Variants in PTPRD observed in about 807,000 individuals in gnomAD.
PTPRD encodes receptor-type tyrosine-protein phosphatase delta.
Under a neutral mutation model 214.5 loss-of-function variants are expected in PTPRD, and 34 were observed. That is an observed-to-expected ratio of 0.16 (90% CI 0.12 to 0.21). The LOEUF is 0.21. Among genes scored for constraint, PTPRD ranks in the 10% least tolerant of loss-of-function variants. PTPRD has a pLI of 1.00. For missense variants in PTPRD, 2,545 were observed against 2,398.7 expected (o/e 1.06, Z -1.27); for synonymous variants, 1,128 against 845.7 (o/e 1.33, Z -5.79).
At chr9:8,617,277 G>A (rs2095644056) in intron 14 of PTPRD, among the ~76,000 whole-genome samples, 1 of 152,040 alleles carries the variant, frequency 6.6e-6, no homozygotes, top group South Asian at 2.1e-4. Flanking sequence ...GAATGAAGAT[G>A]TCTACTCAGT....
At chr9:10,184,369 G>C (rs1283547685) in intron 3 of PTPRD, among the ~76,000 whole-genome samples, 1 of 152,120 alleles carries the variant, frequency 6.6e-6, no homozygotes. Flanking sequence ...AGGTTGCAAT[G>C]AGCCAAGATG....
chr9:8,683,087 T>C (rs1050949146), intron 12 of PTPRD, among the ~76,000 whole-genome samples: 1 of 152,138 alleles, frequency 6.6e-6, no homozygotes, highest in African/African-American at 2.4e-5. Flanking sequence ...ATCTTAACTT[T>C]TGTAAGAGGA....
At chr9:9,743,778 C>A (rs1024312748) in intron 6 of PTPRD, among the ~76,000 whole-genome samples, 7 of 81,660 alleles carry the variant, frequency 8.6e-5, no homozygotes, top group Non-Finnish European at 1.8e-4. Flanking sequence ...ACAATTTATA[C>A]TGACTGTATA....
rs1008216558 is a variant in PTPRD at position 9,299,133 on chromosome 9, G to A, written c.-203+98316C>T. Among the ~76,000 whole-genome samples, 5 of 151,758 alleles carry A rather than the reference G, an allele frequency of 3.3e-5. No individual in the cohort carries two copies. The South Asian group carries it at 8.3e-4, about 25-fold the overall frequency. ...ATTGTGTCTCCAGCAAATATAGGGAGGTGAACGGTAAATCCAATAGAATAG... is the reference window on the plus strand; with the variant it reads ...ATTGTGTCTCCAGCAAATATAGGGAAGTGAACGGTAAATCCAATAGAATAG... On this transcript the variant is annotated intron_variant, in intron 9 of 45. Coordinates refer to ENST00000381196, the MANE Select transcript of PTPRD (RefSeq NM_002839.4).
intron 10 of PTPRD, among the ~76,000 whole-genome samples, chr9:9,162,030 C>G (rs1569556433): frequency 6.6e-6 from 1 of 151,922 alleles, no homozygotes; most frequent in East Asian, 1.9e-4. Context: ...TCAGCATTTT[C>G]AAAGAAGAAA....
chr9:9,296,289 G>T (rs897931074), intron 9 of PTPRD, among the ~76,000 whole-genome samples: 1 of 151,664 alleles, frequency 6.6e-6, no homozygotes. Context: ...GTTCTCACAT[G>T]ACCTTTAATT....
At chr9:9,742,230 T>C (rs2098411160) in intron 6 of PTPRD, among the ~76,000 whole-genome samples, 1 of 152,134 alleles carries the variant, frequency 6.6e-6, no homozygotes, top group South Asian at 2.1e-4. Context: ...CAAATTAAAT[T>C]AGTAAAATTG....
rs2047054129 is a variant in PTPRD, at chr9:10,509,046, C to T, written c.-600+103352G>A. Among the ~76,000 whole-genome samples, 5 of 151,992 alleles carry T rather than the reference C, an allele frequency of 3.3e-5. 1 individual carries two copies. The South Asian group carries it at 1.0e-3, about 32-fold the overall frequency. On this transcript the variant is annotated intron_variant, in intron 2 of 45. Transcript: ENST00000381196. ...AACCCATGGCTAAAGGAAATACCTG[C>T]TATGATTCTCCACTGTAAATTTATT... is the stretch of plus-strand genomic sequence containing the variant.
At chr9:9,749,687 T>C in intron 6 of PTPRD, among the ~76,000 whole-genome samples, 1 of 152,126 alleles carries the variant, frequency 6.6e-6, no homozygotes, top group East Asian at 1.9e-4. Flanking sequence ...TGTTCCAATA[T>C]TTTCAAGGAA....
intron 3 of PTPRD, among the ~76,000 whole-genome samples, chr9:10,090,795 C>T (rs143616142): frequency 3.4e-5 from 5 of 147,578 alleles, no homozygotes; most frequent in South Asian, 4.4e-4. Context: ...ATATTTTGAT[C>T]GGCAGCATTT....
intron 9 of PTPRD, among the ~76,000 whole-genome samples, chr9:9,199,145 T>TA (rs929171224): frequency 1.3e-5 from 2 of 151,746 alleles, no homozygotes; most frequent in African/African-American, 2.4e-5. Flanking sequence ...ATCCCCTAGG[T>TA]AAAAAAAAGA....
intron 3 of PTPRD, among the ~76,000 whole-genome samples, chr9:10,120,236 A>G (rs2098764075): frequency 6.6e-6 from 1 of 151,778 alleles, no homozygotes; most frequent in South Asian, 2.1e-4. Flanking sequence ...TTTTCCCACT[A>G]GTCATAATAA....
rs939413124 is a variant in PTPRD, at chr9:8,892,496, T to C, written c.-104+126201A>G. Among the ~76,000 whole-genome samples, 4 of 151,516 alleles carry C rather than the reference T, an allele frequency of 2.6e-5. No homozygotes were observed. The East Asian group carries it at 5.8e-4, about 22-fold the overall frequency. ...TCTCTCTTATTATGGATAAATATAA[T>C]AATAATACAAAGTTGAATATATATA... On this transcript the variant is annotated intron_variant, in intron 11 of 45. Transcript: ENST00000381196.
chr9:10,544,951 ATG>A (rs1315891098), intron 2 of PTPRD, among the ~76,000 whole-genome samples: 1 of 152,178 alleles, frequency 6.6e-6, no homozygotes, highest in African/African-American at 2.4e-5. Context: ...CATAAATAAA[ATG>A]TAATTTTTTT....
At chr9:8,962,933 G>C (rs2099166719) in intron 11 of PTPRD, 1 of 151,946 alleles carries the variant, frequency 6.6e-6, no homozygotes, top group Non-Finnish European at 1.5e-5. Flanking sequence ...GGAACTGATG[G>C]GCATGCACAT....
chr9:10,457,946 G>A (rs1566176423), intron 2 of PTPRD, among the ~76,000 whole-genome samples: 1 of 151,830 alleles, frequency 6.6e-6, no homozygotes, highest in Non-Finnish European at 1.5e-5. Flanking sequence ...CAACAAATTT[G>A]ATAAATTAGA....
chr9:9,780,923 G>C (rs2098837974), intron 5 of PTPRD, among the ~76,000 whole-genome samples: 1 of 152,164 alleles, frequency 6.6e-6, no homozygotes, highest in African/African-American at 2.4e-5. Flanking sequence ...GAGTGAAAGA[G>C]GCCAGTCTAG....
chr9:9,557,512 G>C (rs1037572610), intron 8 of PTPRD, among the ~76,000 whole-genome samples: 2 of 152,142 alleles, frequency 1.3e-5, no homozygotes, highest in African/African-American at 4.8e-5. Context: ...ATGCTATAGA[G>C]AAACCCCTTC....
chr9:8,646,352 CCGCTCAAA>C, intron 12 of PTPRD, among the ~76,000 whole-genome samples: 1 of 152,146 alleles, frequency 6.6e-6, no homozygotes. Flanking sequence ...CAGCTCTTTT[CCGCTCAAA>C]AAATAATAAA....
Sources: gnomAD v4.1 joint callset for allele counts (sites outside exome capture counted in the v4.1 genomes callset) on GRCh38, gnomAD v4.1.1 for gene constraint, MANE v1.5 for transcripts, NCBI Gene and HGNC (gene_info 2026-07-23, HGNC 2026-07-21) for gene names.